The following SDK2 variants were observed in gnomAD, a reference collection of about 807,000 sequenced individuals.
The protein encoded by SDK2 is protein sidekick-2.
Under a neutral mutation model 253.9 loss-of-function variants are expected in SDK2, and 105 were observed. The observed-to-expected ratio is 0.41, with a 90% CI of 0.35 to 0.49. The LOEUF is 0.49. SDK2 is among the 20% of genes least tolerant of loss of function. The pLI is 0.06. For synonymous variants in SDK2, 1,249 were observed against 1,234.9 expected (o/e 1.01, Z -0.24); for missense variants, 2,608 against 3,003.0 (o/e 0.87, Z 3.07).
At chr17:73,560,911 G>C (rs1216361824) in intron 1 of SDK2, among the ~76,000 whole-genome samples, 1 of 152,154 alleles carries the variant, frequency 6.6e-6, no homozygotes, top group Non-Finnish European at 1.5e-5. Context: ...TGTGGCAGGA[G>C]ACAGGATCCT....
At chr17:73,389,448 T>C (rs2062908163) in intron 29 of SDK2, among the ~76,000 whole-genome samples, 1 of 152,120 alleles carries the variant, frequency 6.6e-6, no homozygotes, top group African/African-American at 2.4e-5. Context: ...CCTCCCAAAG[T>C]GCTAGGATTA....
At position 73,334,759 on chromosome 17, in the gene SDK2, G is replaced by A. The variant is rs1328874433; in HGVS notation, c.*3828C>T. The A allele has an allele frequency of 6.6e-6, 1 of 152,310 alleles. No individual in the cohort carries two copies. Among genetic ancestry groups the A allele is most frequent in the African/African-American group, 2.4e-5 (1 of 41,458 alleles). 9.4% of individuals were successfully genotyped at this position (152,310 alleles called of 1,614,324 possible). Reference sequence around the variant, plus strand: ...CAGGTGGTGGTCAGGATTGCCATGTGCGCATGCCCATGGGTGTCCCTGGAT... The same window carrying A: ...CAGGTGGTGGTCAGGATTGCCATGTACGCATGCCCATGGGTGTCCCTGGAT... On this transcript the variant is annotated 3_prime_UTR_variant, in exon 45 of 45. Coordinates refer to ENST00000392650, the MANE Select transcript of SDK2 (RefSeq NM_001144952.2).
rs766228245 is a variant in SDK2, at chr17:73,402,108, C to T, written c.2518G>A (p.Val840Ile). Residue 840 changes from valine to isoleucine, a missense_variant, in exon 19 of 45, where the codon GTT (valine) becomes ATT (isoleucine). Val to Ile is a conservative substitution (Grantham distance 29). This residue lies in a region of SDK2 where 1,505 missense variants were observed against 1,859.1 expected (regional missense o/e 0.81). Coordinates refer to ENST00000392650, the MANE Select transcript of SDK2 (RefSeq NM_001144952.2). Reference sequence around the variant, plus strand: ...TTAGGCCGGGCGGTCACCATGGTAACCTCCTCTTCCTGTTCCGGCTCCCAG... The same window carrying T: ...TTAGGCCGGGCGGTCACCATGGTAATCTCCTCTTCCTGTTCCGGCTCCCAG... Reference protein sequence around the residue: ...IAWEPEQEEEVTMVTARPNFQ... With the variant: ...IAWEPEQEEEITMVTARPNFQ... 1.2e-6 allele frequency: 2 copies of T among 1,613,986 alleles called. No individual in the cohort carries two copies. Among genetic ancestry groups the T allele is most frequent in the East Asian group, 2.2e-5 (1 of 44,876 alleles).
At chr17:73,432,799 T>C (rs951343483) in intron 10 of SDK2, among the ~76,000 whole-genome samples, 5 of 151,950 alleles carry the variant, frequency 3.3e-5, no homozygotes, top group African/African-American at 1.2e-4. Flanking sequence ...TACATGTGTG[T>C]GCATATGTGT....
chr17:73,473,929 G>A (rs978173330), intron 2 of SDK2, among the ~76,000 whole-genome samples: 1 of 151,922 alleles, frequency 6.6e-6, no homozygotes, highest in Non-Finnish European at 1.5e-5. Context: ...AAATAGAAAT[G>A]GTCAGCATTT....
chr17:73,347,733 G>A (rs999752361), intron 44 of SDK2, among the ~76,000 whole-genome samples: 1 of 152,092 alleles, frequency 6.6e-6, no homozygotes, highest in African/African-American at 2.4e-5. Context: ...GGCAGAGGGT[G>A]AGGGTGGGAA....
At chr17:73,429,807 G>C (rs895594213) in intron 12 of SDK2, among the ~76,000 whole-genome samples, 1 of 152,212 alleles carries the variant, frequency 6.6e-6, no homozygotes, top group African/African-American at 2.4e-5. Context: ...CAAAGCCTTG[G>C]GGGTGGGGGT....
At chr17:73,353,656 C>T (rs946893976) in intron 40 of SDK2, among the ~76,000 whole-genome samples, 3 of 151,628 alleles carry the variant, frequency 2.0e-5, no homozygotes, top group African/African-American at 7.3e-5. Flanking sequence ...ACCTCAGCCT[C>T]CCAAAGTGCT....
intron 44 of SDK2, among the ~76,000 whole-genome samples, chr17:73,345,147 C>T (rs761029523): frequency 1.3e-5 from 2 of 152,044 alleles, no homozygotes; most frequent in Admixed American, 6.5e-5. Context: ...GGTGAAATCC[C>T]GTCTTTACTA....
In SDK2 at chr17:73,609,087, C is replaced by G; in HGVS notation, c.64+34938G>C. 6.6e-6 allele frequency among the ~76,000 whole-genome samples: 1 copy of G among 152,172 alleles called. No homozygotes were observed. The highest frequency in any genetic ancestry group is 1.9e-4 in the East Asian group (1 of 5,198). Reference sequence around the variant, plus strand: ...CATCTTGGCATTGACCTCAGTAAAGCCTGGGAAGGCCGCTGGAGGAAAGCC... The same window carrying G: ...CATCTTGGCATTGACCTCAGTAAAGGCTGGGAAGGCCGCTGGAGGAAAGCC... On this transcript the variant is annotated intron_variant, in intron 1 of 44. Coordinates refer to ENST00000392650, the MANE Select transcript of SDK2 (RefSeq NM_001144952.2). This position sits in a 1 kb window ranked among gnomAD's most constrained non-coding sequence, Gnocchi z 4.4.
At chr17:73,345,325 A>C (rs1023655045) in intron 44 of SDK2, among the ~76,000 whole-genome samples, 2 of 152,194 alleles carry the variant, frequency 1.3e-5, no homozygotes, top group Non-Finnish European at 2.9e-5. Context: ...ATTTCAAAAA[A>C]AAAAGAAAAA....
At chr17:73,426,359 GC>G (rs2063284405) in intron 12 of SDK2, among the ~76,000 whole-genome samples, 1 of 151,760 alleles carries the variant, frequency 6.6e-6, no homozygotes, top group South Asian at 2.1e-4. Context: ...GAGCCACCAC[GC>G]CTGACCAGTC....
intron 3 of SDK2, among the ~76,000 whole-genome samples, chr17:73,462,026 T>C (rs866379207): frequency 1.3e-5 from 2 of 152,072 alleles, no homozygotes; most frequent in African/African-American, 2.4e-5. Context: ...TGTATGCATG[T>C]ATGTTTGTAT....
chr17:73,393,535 C>A, intron 27 of SDK2, 25 bp downstream of exon 27: 1 of 1,504,236 alleles, frequency 6.6e-7, no homozygotes, highest in Non-Finnish European at 9.0e-7. Context: ...CAGCCTTCCC[C>A]AAGCTTGCTG....
rs1173663433 is a variant in SDK2, at chr17:73,455,258, G to T, written c.479+648C>A. On this transcript the variant is annotated intron_variant, in intron 4 of 44. Coordinates refer to ENST00000392650, the MANE Select transcript of SDK2 (RefSeq NM_001144952.2). The surrounding 1 kb of genome is among the most constrained non-coding windows in gnomAD (Gnocchi z 5.0). ...GGGTGGCTCAGGAGGGCGGGGAGAC[G>T]GGTGTATCTCGGGAGGAACTGCTTT... Among the ~76,000 whole-genome samples the T allele has an allele frequency of 6.6e-6, 1 of 152,150 alleles. No homozygotes were observed. Among genetic ancestry groups the T allele is most frequent in the Admixed American group, 6.5e-5 (1 of 15,280 alleles).
intron 22 of SDK2, 48 bp from the exon 23 acceptor site, chr17:73,398,477 C>G: frequency 6.6e-6 from 10 of 1,513,346 alleles, no homozygotes; most frequent in Non-Finnish European, 9.1e-6. Context: ...AGGGCCCACA[C>G]GGGGTGCTCC....
At position 73,395,741 on chromosome 17, in the gene SDK2, C is replaced by T. The variant is rs980247793; in HGVS notation, c.3355-349G>A. Among the ~76,000 whole-genome samples, 1 of 152,200 alleles carries T rather than the reference C, an allele frequency of 6.6e-6. No individual in the cohort carries two copies. Among genetic ancestry groups the T allele is most frequent in the Non-Finnish European group, 1.5e-5 (1 of 68,042 alleles). On this transcript the variant is annotated intron_variant, in intron 24 of 44. Transcript: ENST00000392650. This position sits in a 1 kb window ranked among gnomAD's most constrained non-coding sequence, Gnocchi z 4.3. ...TGGCTCTGCTGTCTCTGCTGCTTAC[C>T]TCTGTCACTCAGGCTGCCAGCACAC...
chr17:73,503,758 A>T (rs1309093506), intron 2 of SDK2, among the ~76,000 whole-genome samples: 1 of 152,214 alleles, frequency 6.6e-6, no homozygotes, highest in Non-Finnish European at 1.5e-5. Context: ...CACATGATGC[A>T]GGCCTGGCCA....
In SDK2 at chr17:73,365,248, G is replaced by T. The variant is rs764273480; in HGVS notation, c.5305+10C>A. On this transcript the variant is annotated intron_variant, in intron 38 of 44. Coordinates refer to ENST00000392650, the MANE Select transcript of SDK2 (RefSeq NM_001144952.2). The stretch of plus-strand genomic sequence containing the variant: ...GGGGGCTGGGGAGCTGTGCTGGGGG[G>T]TCCACTCACCATCCACGGGGCTGCA... The T allele has an allele frequency of 1.3e-6, 2 of 1,497,802 alleles. No individual in the cohort carries two copies. Among genetic ancestry groups the T allele is most frequent in the African/African-American group, 1.4e-5 (1 of 71,206 alleles). 92.8% of individuals were successfully genotyped at this position (1,497,802 alleles called of 1,614,324 possible). A position where few individuals can be genotyped will look rare whatever the true frequency, so the allele number is the denominator to read the frequency against.
Sources: gnomAD v4.1 joint callset for allele counts (sites outside exome capture counted in the v4.1 genomes callset) on GRCh38, gnomAD v4.1.1 for gene constraint, gnomAD v4.1.1 regional missense constraint, Gnocchi (gnomAD v3.1) non-coding constraint, MANE v1.5 for transcripts, NCBI Gene and HGNC (gene_info 2026-07-23, HGNC 2026-07-21) for gene names.